FBN2: variants seen among roughly 807,000 people sequenced by gnomAD.
FBN2 encodes fibrillin 2.
FBN2 carries 105 observed loss-of-function variants against 355.6 expected under a neutral mutation model. The ratio of observed to expected loss-of-function variants is 0.30; its 90% CI spans 0.25 to 0.35. The LOEUF (loss-of-function observed/expected upper bound fraction) is 0.35. Ranked by LOEUF, FBN2 falls within the 10% of genes least tolerant of loss-of-function variation. The probability of loss-of-function intolerance (pLI) is 1.00; values close to 1 mark genes in which losing one functional copy is unlikely to be tolerated. For synonymous variants in FBN2, 1,350 were observed against 1,301.2 expected, an observed-to-expected ratio of 1.04 and a Z score of -0.81; for missense variants, 3,280 against 3,758.7, an observed-to-expected ratio of 0.87 and a Z score of 3.33.
Position 128,304,970 on chromosome 5 carries a change from C to T in FBN2, c.5787G>A (p.Gln1929=), listed in dbSNP as rs746307443. The T allele has an allele frequency of 1.4e-5, 22 of 1,613,894 alleles. No homozygotes were observed. Among genetic ancestry groups the T allele is most frequent in the Admixed American group, 3.3e-5 (2 of 59,956 alleles). The change falls in exon 45 of 65, where the codon CAG becomes CAA. Residue 1929 remains glutamine, a synonymous_variant. Coordinates refer to ENST00000262464, the MANE Select transcript of FBN2 (RefSeq NM_001999.4). ...TGCCCTTCTTACCCATGCACATGGT[C>T]TGGTCCTGAGAAGCCTTAAAGCCAT... ...CHNGFKASQD[Q]TMCMDVDECE...
chr5:128,287,218 G>C, intron 54 of FBN2, 90 bp downstream of exon 54: 1 of 1,432,850 alleles, frequency 7.0e-7, no homozygotes, highest in Non-Finnish European at 9.8e-7. Context: ...TAAAGCTCTA[G>C]AAGAAATTAG....
intron 59 of FBN2, among the ~76,000 whole-genome samples, chr5:128,275,669 C>CT (rs1765376937): frequency 6.6e-6 from 1 of 152,224 alleles, no homozygotes; most frequent in African/African-American, 2.4e-5. Flanking sequence ...TCCATTTTCA[C>CT]TTTTCCACAG....
chr5:128,393,020 C>T (rs1185597123), intron 10 of FBN2, 115 bp downstream of exon 10: 15 of 854,348 alleles, frequency 1.8e-5, no homozygotes, highest in Non-Finnish European at 2.6e-5. Flanking sequence ...CAAACACACA[C>T]ACACATGTGC....
chr5:128,275,709 A>G (rs1170775540), intron 59 of FBN2, among the ~76,000 whole-genome samples: 1 of 152,170 alleles, frequency 6.6e-6, no homozygotes, highest in East Asian at 1.9e-4. Flanking sequence ...GCTTAGAGAA[A>G]TAAAAGCTTA....
chr5:128,403,594 T>C (rs73784593), intron 8 of FBN2, among the ~76,000 whole-genome samples: 4,447 of 151,438 alleles, frequency 0.029, 219 homozygotes, highest in African/African-American at 0.1. Flanking sequence ...TAGGTATTAA[T>C]CATTCCTTGG....
Position 128,393,260 on chromosome 5 carries a change from T to C in FBN2, c.1340A>G (p.Asn447Ser), listed in dbSNP as rs1554066013. The change falls in exon 10 of 65, where the codon AAT (asparagine) becomes AGT (serine). Residue 447 changes from asparagine to serine, a missense_variant. By Grantham distance (46) the Asn-to-Ser change is conservative. Coordinates refer to ENST00000262464, the MANE Select transcript of FBN2 (RefSeq NM_001999.4). Reference protein sequence around the residue: ...TGGNGFAPSGNGNGYGPGGTG... With the variant: ...TGGNGFAPSGSGNGYGPGGTG... ...CCCTCCTGGGCCATAGCCATTGCCA[T>C]TGCCACTTGGGGCAAAGCCATTTCC... 3 of 1,614,168 alleles carry C rather than the reference T, an allele frequency of 1.9e-6. No individual in the cohort carries two copies. The highest frequency in any genetic ancestry group is 2.5e-6 in the Non-Finnish European group (3 of 1,180,012).
intron 9 of FBN2, among the ~76,000 whole-genome samples, chr5:128,394,306 G>C (rs1452490670): frequency 1.3e-5 from 2 of 151,976 alleles, no homozygotes; most frequent in Non-Finnish European, 2.9e-5. Context: ...CATATTACAC[G>C]TAACAAGAGG....
At chr5:128,355,254 TGCAAGTTGAA>T in intron 20 of FBN2, among the ~76,000 whole-genome samples, 1 of 152,172 alleles carries the variant, frequency 6.6e-6, no homozygotes, top group East Asian at 1.9e-4. Flanking sequence ...CATATATCCA[TGCAAGTTGAA>T]GACAGAGCGC....
At chr5:128,532,885 T>A (rs1213650273) in intron 2 of FBN2, among the ~76,000 whole-genome samples, 3 of 152,042 alleles carry the variant, frequency 2.0e-5, no homozygotes, top group Non-Finnish European at 4.4e-5. Flanking sequence ...AAAATTTTTT[T>A]AAAAATTAGC....
intron 36 of FBN2, among the ~76,000 whole-genome samples, chr5:128,314,814 A>T (rs1212609332): frequency 6.6e-6 from 1 of 152,218 alleles, no homozygotes; most frequent in Non-Finnish European, 1.5e-5. Context: ...AATGTACACA[A>T]ATGTCTTTTG....
chr5:128,513,096 G>C (rs543018187), intron 5 of FBN2, among the ~76,000 whole-genome samples: 35 of 152,266 alleles, frequency 2.3e-4, no homozygotes, highest in Non-Finnish European at 4.1e-4. Context: ...CCATGTGTCA[G>C]GCACACTGCC....
In FBN2 at chr5:128,426,081, G is replaced by A. The variant is rs147079599; in HGVS notation, c.953-17282C>T. Among the ~76,000 whole-genome samples, 17 of 152,248 alleles carry A rather than the reference G, an allele frequency of 1.1e-4. No homozygotes were observed. The South Asian group carries it at 1.5e-3, about 13-fold the overall frequency. ...CACACACTTTGATGTTCTCAGTGGG[G>A]TGATGGAATTGCATAAACCCAACAA... On this transcript the variant is annotated intron_variant, in intron 7 of 64. Transcript: ENST00000262464.
chr5:128,529,995 G>A (rs547184124), intron 3 of FBN2, among the ~76,000 whole-genome samples: 1 of 152,152 alleles, frequency 6.6e-6, no homozygotes, highest in African/African-American at 2.4e-5. Context: ...ACACTAGTTT[G>A]AGGCAAGACT....
At chr5:128,308,939 A>T (rs2126842559) in intron 41 of FBN2, among the ~76,000 whole-genome samples, 1 of 152,338 alleles carries the variant, frequency 6.6e-6, no homozygotes, top group South Asian at 2.1e-4. Context: ...TATTTGTTTG[A>T]TGAATAAATC....
At chr5:128,366,043 T>G (rs1393338070) in intron 17 of FBN2, among the ~76,000 whole-genome samples, 1 of 152,032 alleles carries the variant, frequency 6.6e-6, no homozygotes, top group East Asian at 1.9e-4. Flanking sequence ...TTACTTAATG[T>G]TTTATCATAA....
Position 128,351,029 on chromosome 5 carries a change from G to A in FBN2, c.2675-24C>T, listed in dbSNP as rs374421617. Reference sequence around the variant, plus strand: ...GTCTGAAAAGGAACAGGAAAGGTTGGGGAGCTCTTACCTCTGAAGAAAATA... The same window carrying A: ...GTCTGAAAAGGAACAGGAAAGGTTGAGGAGCTCTTACCTCTGAAGAAAATA... On this transcript the variant is annotated intron_variant, in intron 20 of 64. Coordinates refer to ENST00000262464, the MANE Select transcript of FBN2 (RefSeq NM_001999.4). 1.4e-4 allele frequency: 225 copies of A among 1,613,942 alleles called. No homozygotes were observed. In the African/African-American group the frequency reaches 2.7e-3, roughly 20 times the overall value.
chr5:128,437,773 TATAGATAGATAG>T (rs68027593), intron 7 of FBN2, among the ~76,000 whole-genome samples: 28,249 of 148,128 alleles, frequency 0.19, 2,999 homozygotes, highest in African/African-American at 0.27. Flanking sequence ...AGTATGTATG[TATAGATAGATAG>T]ATAGATAGAT....
chr5:128,321,762 T>C (rs1011475636), intron 34 of FBN2, among the ~76,000 whole-genome samples: 1 of 152,222 alleles, frequency 6.6e-6, no homozygotes, highest in Admixed American at 6.5e-5. Flanking sequence ...TATGTGTGCA[T>C]GTGTCTTTAT....
intron 44 of FBN2, 29 bp downstream of exon 44, chr5:128,305,482 G>GA: frequency 6.2e-7 from 1 of 1,613,102 alleles, no homozygotes; most frequent in Non-Finnish European, 8.5e-7. Context: ...TGTGCTCAGT[G>GA]CCAAAGAATG....
Sources: allele counts gnomAD v4.1 joint callset (sites outside exome capture counted in the v4.1 genomes callset), GRCh38; gene constraint gnomAD v4.1.1; transcripts MANE v1.5; gene names NCBI Gene and HGNC (gene_info 2026-07-23, HGNC 2026-07-21).